PLEKHM1: variants seen among roughly 807,000 people sequenced by gnomAD.
The protein encoded by PLEKHM1 is pleckstrin homology and RUN domain containing M1, also known as pleckstrin homology domain-containing family M member 1.
A neutral mutation model predicts 94.3 loss-of-function variants in PLEKHM1; 28 were observed. The observed-to-expected ratio is 0.30, with a 90% CI of 0.22 to 0.41. The LOEUF is 0.41. Among genes scored for constraint, PLEKHM1 ranks in the 10% least tolerant of loss-of-function variants. The pLI is 1.00. For synonymous variants in PLEKHM1, 424 were observed against 581.2 expected (o/e 0.73, Z 3.89); for missense variants, 907 against 1,358.6 (o/e 0.67, Z 5.22).
At position 45,458,255 on chromosome 17, in the gene PLEKHM1, C is replaced by T. The variant is rs772531601; in HGVS notation, c.1493G>A (p.Cys498Tyr). The T allele has an allele frequency of 6.2e-7, 1 of 1,611,482 alleles. No homozygotes were observed. Among genetic ancestry groups the T allele is most frequent in the South Asian group, 1.1e-5 (1 of 90,552 alleles). The change falls in exon 6 of 12, where the codon TGT becomes TAT. Residue 498 changes from cysteine to tyrosine, a missense_variant. Physicochemically the swap from Cys to Tyr is radical, Grantham distance 194 (BLOSUM62 -2). Transcript: ENST00000430334. ...TTGCCTTCTTCCTGGGGAAGGTACA[C>T]ACGCTTGGTCTAACGCCCCCAGGGA... ...NCSLGALDQA[C>Y]VPSPGRRQAQ...
Position 45,436,591 on chromosome 17 carries a change from A to G in PLEKHM1, c.*1267T>C. ...TCCAGGAGAGGTGGGGGAAGGCGAC[A>G]GAGAGACCAGCAAACCCACATTTCC... is the stretch of plus-strand genomic sequence containing the variant. On this transcript the variant is annotated 3_prime_UTR_variant, in exon 12 of 12. Coordinates refer to ENST00000430334, the MANE Select transcript of PLEKHM1 (RefSeq NM_014798.3). 1 of 453,606 alleles carries G rather than the reference A, an allele frequency of 2.2e-6. No homozygotes were observed. The highest frequency in any genetic ancestry group is 4.4e-6 in the Non-Finnish European group (1 of 226,346). 28.1% of individuals were successfully genotyped at this position (453,606 alleles called of 1,614,324 possible).
intron 3 of PLEKHM1, 44 bp downstream of exon 3, chr17:45,477,856 C>T: frequency 6.2e-7 from 1 of 1,609,328 alleles, no homozygotes; most frequent in Non-Finnish European, 8.5e-7. Flanking sequence ...GTCCCATAGT[C>T]TGCTGCTCCT....
chr17:45,461,109 G>A (rs887720497), intron 5 of PLEKHM1, among the ~76,000 whole-genome samples: 4 of 152,018 alleles, frequency 2.6e-5, no homozygotes, highest in African/African-American at 7.2e-5. Context: ...GGATGGTCTC[G>A]ATCTCCTGAC....
chr17:45,438,074 T>C (rs1279580555), intron 11 of PLEKHM1, 105 bp from the exon 12 acceptor site: 3 of 828,506 alleles, frequency 3.6e-6, no homozygotes, highest in Non-Finnish European at 6.1e-6. Context: ...GGCTGTGATG[T>C]ACTGTGTAAC....
At chr17:45,463,581 C>T (rs1344127710) in intron 5 of PLEKHM1, among the ~76,000 whole-genome samples, 6 of 152,140 alleles carry the variant, frequency 3.9e-5, no homozygotes, top group East Asian at 3.8e-4. Flanking sequence ...TTAGTACAGA[C>T]GGGGTTTCAC....
intron 3 of PLEKHM1, chr17:45,476,078 G>C: frequency 2.9e-6 from 1 of 346,650 alleles, no homozygotes; most frequent in South Asian, 2.4e-5. Context: ...TTGAGCCTGG[G>C]AAGCAAAGGT....
chr17:45,486,260 A>G, intron 1 of PLEKHM1, among the ~76,000 whole-genome samples: 1 of 148,708 alleles, frequency 6.7e-6, no homozygotes. Context: ...AATAATAATA[A>G]TTTATGTCTC....
In PLEKHM1 at chr17:45,475,504, G is replaced by A; in HGVS notation, c.519C>T (p.Ser173=). ...ACTTGTAGGAGAGTTCGAAGGACAA[G>A]GACGTGAGGCCCTGCAGGAAGCTAA... The part of the protein sequence containing the change: ...FLLSFLQGLT[S]LSFELSYKSA... Residue 173 remains serine, a synonymous_variant, in exon 4 of 12, where the codon TCC becomes TCT. Transcript: ENST00000430334. 6.2e-7 allele frequency: 1 copy of A among 1,611,998 alleles called. No homozygotes were observed. Among genetic ancestry groups the A allele is most frequent in the Non-Finnish European group, 8.5e-7 (1 of 1,178,148 alleles).
chr17:45,488,324 T>C (rs10432034), intron 1 of PLEKHM1, among the ~76,000 whole-genome samples: 25,802 of 152,182 alleles, frequency 0.17, 2,759 homozygotes, highest in East Asian at 0.33. Flanking sequence ...CCATTCACCA[T>C]TGTATTTCTA....
intron 1 of PLEKHM1, chr17:45,487,641 T>C (rs2052169805): frequency 2.2e-6 from 1 of 453,286 alleles, no homozygotes; most frequent in Non-Finnish European, 4.4e-6. Context: ...TCCTGCATTA[T>C]ACTGCCTGGC....
downstream of PLEKHM1, chr17:45,435,858 C>T (rs763315979): frequency 4.7e-6 from 2 of 425,596 alleles, no homozygotes; most frequent in Admixed American, 2.5e-5. Context: ...TGGTGGTCTC[C>T]CCCCTGGCCG....
intron 5 of PLEKHM1, 63 bp from the exon 6 acceptor site, chr17:45,458,502 G>A (rs1567782097): frequency 4.7e-6 from 7 of 1,478,956 alleles, no homozygotes; most frequent in East Asian, 2.3e-5. Context: ...ACGGAGTCTC[G>A]CTCTGTTGCC....
At chr17:45,464,792 C>T (rs549472598) in intron 5 of PLEKHM1, among the ~76,000 whole-genome samples, 28 of 152,330 alleles carry the variant, frequency 1.8e-4, no homozygotes, top group African/African-American at 5.8e-4. Flanking sequence ...CCTGTCCACT[C>T]GATGGTACAC....
At chr17:45,448,389 G>A (rs2050675666) in intron 8 of PLEKHM1, among the ~76,000 whole-genome samples, 1 of 152,240 alleles carries the variant, frequency 6.6e-6, no homozygotes, top group African/African-American at 2.4e-5. Flanking sequence ...AGAACTGACT[G>A]AGAGAATCAC....
At chr17:45,449,117 T>A (rs1172828935) in intron 8 of PLEKHM1, among the ~76,000 whole-genome samples, 1 of 152,052 alleles carries the variant, frequency 6.6e-6, no homozygotes, top group Non-Finnish European at 1.5e-5. Flanking sequence ...GAAAAAGTGC[T>A]TTTCAAAAAC....
rs2051991516 is a variant in PLEKHM1 at position 45,482,673 on chromosome 17, T to C, written c.-41-148A>G. 6 of 681,760 alleles carry C rather than the reference T, an allele frequency of 8.8e-6. 1 individual carries two copies. The highest frequency in any genetic ancestry group is 1.6e-5 in the Non-Finnish European group (6 of 366,458). The allele number at this position is 681,760 out of a possible 1,614,324, so 42.2% of individuals were successfully genotyped here. ...AGAACACAAAAGTAAAAACTGATAA[T>C]AGATTTGAAGGAAAGAAACAAGGAA... is the stretch of plus-strand genomic sequence containing the variant. On this transcript the variant is annotated intron_variant, in intron 1 of 11. Coordinates refer to ENST00000430334, the MANE Select transcript of PLEKHM1 (RefSeq NM_014798.3).
intron 2 of PLEKHM1, among the ~76,000 whole-genome samples, chr17:45,479,017 T>A (rs2051850169): frequency 1.3e-4 from 1 of 7,938 alleles, no homozygotes; most frequent in African/African-American, 1.8e-4. Context: ...CAGGACTACC[T>A]TTTTTTTTCT....
chr17:45,473,314 C>T (rs1362475907), intron 4 of PLEKHM1, among the ~76,000 whole-genome samples: 7 of 152,108 alleles, frequency 4.6e-5, no homozygotes, highest in Non-Finnish European at 8.8e-5. Context: ...TGAGGCTGGG[C>T]GCAGTGGCTC....
At chr17:45,435,323 T>C (rs2050230229), downstream of PLEKHM1, among the ~76,000 whole-genome samples, 1 of 152,224 alleles carries the variant, frequency 6.6e-6, no homozygotes, top group African/African-American at 2.4e-5. Flanking sequence ...TGTTTCCTGC[T>C]CCTGTTCTTA....
Sources: allele counts gnomAD v4.1 joint callset (sites outside exome capture counted in the v4.1 genomes callset), GRCh38; gene constraint gnomAD v4.1.1; transcripts MANE v1.5; gene names NCBI Gene and HGNC (gene_info 2026-07-23, HGNC 2026-07-21).